ROBO2: variants seen among roughly 807,000 people sequenced by gnomAD.
ROBO2 encodes roundabout homolog 2.
In ROBO2, 53 loss-of-function variants were observed where a neutral mutation model predicts 160.8. The observed-to-expected ratio is 0.33, with a 90% CI of 0.26 to 0.41. The LOEUF is 0.41. Among genes scored for constraint, ROBO2 ranks in the 10% least tolerant of loss-of-function variants. ROBO2 has a pLI of 1.00. For synonymous variants in ROBO2, 664 were observed against 611.7 expected (o/e 1.09, Z -1.26); for missense variants, 1,577 against 1,722.4 (o/e 0.92, Z 1.49).
At chr3:77,385,711 ACACCTC>A (rs1364681523) in intron 2 of ROBO2, among the ~76,000 whole-genome samples, 1 of 152,186 alleles carries the variant, frequency 6.6e-6, no homozygotes, top group Admixed American at 6.5e-5. Flanking sequence ...GTGAAATGAG[ACACCTC>A]CATTGATAAC....
intron 2 of ROBO2, among the ~76,000 whole-genome samples, chr3:77,114,056 A>G (rs780389334): frequency 1.7e-4 from 26 of 152,298 alleles, no homozygotes; most frequent in Non-Finnish European, 3.1e-4. Flanking sequence ...TCGGGCAGCA[A>G]TGTAGAGAAA....
chr3:77,382,202 C>A (rs565397107), intron 2 of ROBO2, among the ~76,000 whole-genome samples: 12 of 151,980 alleles, frequency 7.9e-5, no homozygotes, highest in African/African-American at 2.9e-4. Context: ...TAAGAGTGAA[C>A]CGGAAATGGA....
chr3:76,529,024 T>G (rs957218849), intron 2 of ROBO2, among the ~76,000 whole-genome samples: 1 of 152,122 alleles, frequency 6.6e-6, no homozygotes, highest in Non-Finnish European at 1.5e-5. Flanking sequence ...GAGCAGTTTT[T>G]ATAGAGTGTG....
chr3:77,237,183 C>CTTTTTTTTTTTTTTTTTTTCTT (rs34992972), intron 2 of ROBO2, among the ~76,000 whole-genome samples: 1 of 107,114 alleles, frequency 9.3e-6, no homozygotes, highest in Non-Finnish European at 1.8e-5. Flanking sequence ...CTTGACCTTT[C>CTTTTTTTTTTTTTTTTTTTCTT]TTTTTTTTTT....
At chr3:76,418,107 A>G (rs2075827831) in intron 2 of ROBO2, among the ~76,000 whole-genome samples, 2 of 151,848 alleles carry the variant, frequency 1.3e-5, no homozygotes, top group South Asian at 4.1e-4. Context: ...ATAAATGCCT[A>G]TATTAAAGAA....
At chr3:75,914,392 T>C (rs1389489752) in intron 1 of ROBO2, among the ~76,000 whole-genome samples, 1 of 152,206 alleles carries the variant, frequency 6.6e-6, no homozygotes, top group Non-Finnish European at 1.5e-5. Context: ...TCTTTGTTTT[T>C]CTTTTACTTT....
At position 76,411,195 on chromosome 3, in the gene ROBO2, G is replaced by A. The variant is rs188488998; in HGVS notation, c.109+473593G>A. On this transcript the variant is annotated intron_variant, in intron 2 of 26. Coordinates refer to the ROBO2 transcript ENST00000487694. ...CTTATAGGCTGAATTATAGAATTCC[G>A]AATGACCAGACAGAACCTTGACGTT... Among the ~76,000 whole-genome samples, 36 of 152,132 alleles carry A rather than the reference G, an allele frequency of 2.4e-4. No individual in the cohort carries two copies. In the South Asian group the frequency reaches 6.9e-3, roughly 29 times the overall value.
chr3:76,739,569 A>G (rs1028389359), intron 2 of ROBO2, among the ~76,000 whole-genome samples: 16 of 152,212 alleles, frequency 1.1e-4, no homozygotes, highest in African/African-American at 3.6e-4. Flanking sequence ...TGGCACATGT[A>G]TACATATGTA....
intron 2 of ROBO2, among the ~76,000 whole-genome samples, chr3:77,280,167 A>G (rs905276741): frequency 1.3e-5 from 2 of 152,104 alleles, no homozygotes; most frequent in African/African-American, 2.4e-5. Flanking sequence ...CCTCGATTCT[A>G]ATTCTTATGC....
intron 13 of ROBO2, among the ~76,000 whole-genome samples, chr3:77,573,847 G>T (rs569921988): frequency 6.6e-6 from 1 of 150,964 alleles, no homozygotes; most frequent in South Asian, 2.1e-4. Flanking sequence ...ATTTGTTTAT[G>T]CTTTTTTTTT....
chr3:76,061,660 G>A (rs73842938), intron 2 of ROBO2, among the ~76,000 whole-genome samples: 3,127 of 152,230 alleles, frequency 0.021, 44 homozygotes, highest in East Asian at 0.081. Context: ...AGAAAGTAAA[G>A]TCACACTTAT....
At chr3:76,598,388 T>C (rs894500283) in intron 2 of ROBO2, among the ~76,000 whole-genome samples, 13 of 152,092 alleles carry the variant, frequency 8.5e-5, no homozygotes, top group Non-Finnish European at 1.5e-4. Flanking sequence ...TATAATGTGG[T>C]AGTGAATATG....
chr3:76,812,024 C>G (rs1028125435), intron 2 of ROBO2, among the ~76,000 whole-genome samples: 1 of 151,838 alleles, frequency 6.6e-6, no homozygotes, highest in South Asian at 2.1e-4. Context: ...GTGCCCACCA[C>G]CATGCCCAGC....
At chr3:77,543,986 C>T (rs1182146019) in intron 6 of ROBO2, among the ~76,000 whole-genome samples, 1 of 152,028 alleles carries the variant, frequency 6.6e-6, no homozygotes. Context: ...GGCAAGTGTC[C>T]ATGTTGGCAT....
chr3:77,535,437 C>T (rs905270895), intron 6 of ROBO2, among the ~76,000 whole-genome samples: 1 of 151,898 alleles, frequency 6.6e-6, no homozygotes, highest in Non-Finnish European at 1.5e-5. Context: ...TCCTTCTATC[C>T]CAGGTATGAG....
At chr3:76,798,267 A>G (rs1168854616) in intron 2 of ROBO2, among the ~76,000 whole-genome samples, 1 of 141,468 alleles carries the variant, frequency 7.1e-6, no homozygotes, top group African/African-American at 2.8e-5. Flanking sequence ...AAGGAAAGAA[A>G]GAAAGAAAGA....
intron 2 of ROBO2, among the ~76,000 whole-genome samples, chr3:76,925,676 G>A (rs111352384): frequency 2.5e-3 from 378 of 152,220 alleles, no homozygotes; most frequent in Non-Finnish European, 4.5e-3. Flanking sequence ...AACACAGATG[G>A]GGTCAGGGGA....
chr3:76,413,606 G>A (rs9867048), intron 2 of ROBO2, among the ~76,000 whole-genome samples: 86,213 of 151,912 alleles, frequency 0.57, 25,062 homozygotes, highest in African/African-American at 0.69. Flanking sequence ...TTGCTAAAAC[G>A]TAACAAGAGT....
At chr3:77,152,522 A>G (rs1399011554) in intron 2 of ROBO2, among the ~76,000 whole-genome samples, 3 of 152,186 alleles carry the variant, frequency 2.0e-5, no homozygotes, top group Admixed American at 1.3e-4. Flanking sequence ...GTGCCACTCT[A>G]AGACCTTGAT....
Sources: gnomAD v4.1 joint callset for allele counts (sites outside exome capture counted in the v4.1 genomes callset) on GRCh38, gnomAD v4.1.1 for gene constraint, MANE v1.5 for transcripts, NCBI Gene and HGNC (gene_info 2026-07-23, HGNC 2026-07-21) for gene names.